DLEU7: variants seen among roughly 807,000 people sequenced by gnomAD.
DLEU7 encodes deleted in lymphocytic leukemia 7, also known as leukemia-associated protein 7.
In DLEU7, 17 loss-of-function variants were observed where a neutral mutation model predicts 16.0. The observed-to-expected ratio is 1.06, with a 90% CI of 0.73 to 1.59. The LOEUF (loss-of-function observed/expected upper bound fraction) is 1.59, where lower values mean the gene tolerates loss of function less well. Among genes scored for constraint, DLEU7 ranks in the 40% most tolerant of loss-of-function variants. The pLI is 0.00. For synonymous variants in DLEU7, 113 were observed against 139.8 expected (o/e 0.81, Z 1.35); for missense variants, 308 against 314.9 (o/e 0.98, Z 0.17).
rs536195833 is a variant in DLEU7 at position 50,842,045 on chromosome 13, T to C, written c.459+1143A>G. ...TCTAACAGGTAGAGGCGAGAGATGC[T>C]GCTAAACATCCTCTAATACACAGGA... On this transcript the variant is annotated intron_variant, in intron 1 of 1. Transcript: ENST00000504404. Among the ~76,000 whole-genome samples the C allele has an allele frequency of 4.6e-5, 7 of 152,150 alleles. No individual in the cohort carries two copies. The South Asian group carries it at 1.5e-3, about 32-fold the overall frequency.
intron 1 of DLEU7, among the ~76,000 whole-genome samples, chr13:50,840,800 AC>A (rs1877632786): frequency 6.6e-6 from 1 of 152,158 alleles, no homozygotes; most frequent in African/African-American, 2.4e-5. Context: ...GGGGGGCAGC[AC>A]TTGAATTTTA....
intron 1 of DLEU7, among the ~76,000 whole-genome samples, chr13:50,799,101 A>G (rs1876179183): frequency 6.6e-6 from 1 of 152,160 alleles, no homozygotes; most frequent in African/African-American, 2.4e-5. Context: ...TGATTAATAC[A>G]TCCTCTCCCT....
chr13:50,825,592 A>C (rs1877058299), intron 1 of DLEU7, among the ~76,000 whole-genome samples: 1 of 152,268 alleles, frequency 6.6e-6, no homozygotes, highest in South Asian at 2.1e-4. Flanking sequence ...AATTAGAAGA[A>C]AGAAAATTTG....
chr13:50,838,630 A>C (rs1235269969), intron 1 of DLEU7, among the ~76,000 whole-genome samples: 5 of 152,192 alleles, frequency 3.3e-5, no homozygotes, highest in African/African-American at 9.7e-5. Context: ...TTCTGTCACT[A>C]TATCAGGTGG....
At chr13:50,736,576 T>C (rs1874076596) in intron 1 of DLEU7, among the ~76,000 whole-genome samples, 1 of 152,158 alleles carries the variant, frequency 6.6e-6, no homozygotes, top group Non-Finnish European at 1.5e-5. Flanking sequence ...GAAAATGTTA[T>C]AGCTTTTAAT....
intron 1 of DLEU7, among the ~76,000 whole-genome samples, chr13:50,757,363 C>G (rs1041273492): frequency 6.6e-6 from 1 of 152,166 alleles, no homozygotes; most frequent in African/African-American, 2.4e-5. Flanking sequence ...GTCATAGGAA[C>G]CTTGACTTCA....
intron 1 of DLEU7, among the ~76,000 whole-genome samples, chr13:50,768,684 T>G (rs1319497103): frequency 6.6e-6 from 1 of 152,202 alleles, no homozygotes; most frequent in Non-Finnish European, 1.5e-5. Context: ...CAGTCTATCA[T>G]TTATGGACAT....
At chr13:50,809,303 G>T (rs1876491843) in intron 1 of DLEU7, among the ~76,000 whole-genome samples, 1 of 152,134 alleles carries the variant, frequency 6.6e-6, no homozygotes, top group South Asian at 2.1e-4. Flanking sequence ...GCCACTTTGG[G>T]ACTGAACATT....
chr13:50,822,803 T>C (rs535016895), downstream of DLEU7: 370 of 985,854 alleles, frequency 3.8e-4, no homozygotes, highest in Non-Finnish European at 4.3e-4. Flanking sequence ...AAGCTCATAA[T>C]TACTGACACA....
In DLEU7 at chr13:50,811,867, G is replaced by C. The variant is rs541625230; in HGVS notation, c.459+31321C>G. Among the ~76,000 whole-genome samples, 83 of 152,134 alleles carry C rather than the reference G, an allele frequency of 5.5e-4. 3 individuals carry two copies. The highest frequency in any genetic ancestry group is 1.0e-4 in the Non-Finnish European group (7 of 67,990). On this transcript the variant is annotated intron_variant, in intron 1 of 1. Transcript: ENST00000400393. ...GCGGATCACTTGAGGTCAGGAGTTA[G>C]AGACCAGCCTGGCCAACATGGCGAA...
At chr13:50,735,622 TC>T (rs1874046655) in intron 1 of DLEU7, among the ~76,000 whole-genome samples, 1 of 151,712 alleles carries the variant, frequency 6.6e-6, no homozygotes, top group South Asian at 2.1e-4. Flanking sequence ...TCTAACAAAA[TC>T]TAATATCCAG....
At chr13:50,756,132 G>T (rs888465088) in intron 1 of DLEU7, among the ~76,000 whole-genome samples, 1 of 152,134 alleles carries the variant, frequency 6.6e-6, no homozygotes, top group Non-Finnish European at 1.5e-5. Context: ...GGGGTGAAAT[G>T]GACTCTGTGA....
chr13:50,797,995 C>A (rs1290489702), intron 1 of DLEU7, among the ~76,000 whole-genome samples: 1 of 152,192 alleles, frequency 6.6e-6, no homozygotes, highest in Admixed American at 6.5e-5. Context: ...AGTTCACAGT[C>A]TAACAGATGG....
At chr13:50,831,908 C>T (rs915684104) in intron 1 of DLEU7, among the ~76,000 whole-genome samples, 1 of 152,124 alleles carries the variant, frequency 6.6e-6, no homozygotes, top group East Asian at 1.9e-4. Context: ...TGAGGATTTT[C>T]GCATTGATGT....
chr13:50,805,735 C>T lies in DLEU7; in HGVS notation c.459+37453G>A, dbSNP rs78020090. 7.2e-3 allele frequency among the ~76,000 whole-genome samples: 1,090 copies of T among 152,292 alleles called. 13 individuals are homozygous for T. Among genetic ancestry groups the T allele is most frequent in the African/African-American group, 0.025 (1,044 of 41,560 alleles). On this transcript the variant is annotated intron_variant, in intron 1 of 1. Coordinates refer to the DLEU7 transcript ENST00000400393. ...TCGCCTTTCCTTTTTCTAGAAACCT[C>T]ACCACTTTGAGGCCCAGGGAAGCAC...
intron 1 of DLEU7, among the ~76,000 whole-genome samples, chr13:50,825,542 G>A (rs535053652): frequency 3.7e-4 from 57 of 152,254 alleles, no homozygotes; most frequent in Non-Finnish European, 7.8e-4. Flanking sequence ...GTCAGGTATA[G>A]TTTCAGAAAA....
chr13:50,754,600 AGTT>A (rs1355026080), intron 1 of DLEU7, among the ~76,000 whole-genome samples: 1 of 152,150 alleles, frequency 6.6e-6, no homozygotes, highest in African/African-American at 2.4e-5. Flanking sequence ...AGCAGCAGAT[AGTT>A]GGTCAGTGAG....
chr13:50,777,287 G>A (rs1404840275), intron 1 of DLEU7, among the ~76,000 whole-genome samples: 1 of 152,204 alleles, frequency 6.6e-6, no homozygotes, highest in Non-Finnish European at 1.5e-5. Flanking sequence ...TAACATTTGA[G>A]TCAGTGGGCT....
intron 1 of DLEU7, among the ~76,000 whole-genome samples, chr13:50,795,278 AC>A (rs1477384782): frequency 6.6e-6 from 1 of 152,116 alleles, no homozygotes; most frequent in African/African-American, 2.4e-5. Flanking sequence ...CTCCTCCCCA[AC>A]TTTACCTGTG....
Sources: allele counts gnomAD v4.1 joint callset (sites outside exome capture counted in the v4.1 genomes callset), GRCh38; gene constraint gnomAD v4.1.1; transcripts MANE v1.5; gene names NCBI Gene and HGNC (gene_info 2026-07-23, HGNC 2026-07-21).